Variants in NLRP11 observed in about 807,000 individuals in gnomAD.
NLRP11 encodes the protein NACHT, LRR and PYD domains-containing protein 11.
A neutral mutation model predicts 79.3 loss-of-function variants in NLRP11; 53 were observed. That is an observed-to-expected ratio of 0.67 (90% CI 0.54 to 0.84). NLRP11 has a LOEUF of 0.84. Ranked by LOEUF, NLRP11 falls within the 40% of genes least tolerant of loss-of-function variation. The pLI, the probability that NLRP11 is intolerant of heterozygous loss-of-function variation, is 0.00. For missense variants in NLRP11, 1,264 were observed against 1,255.0 expected (o/e 1.01, Z -0.11); for synonymous variants, 518 against 462.6 (o/e 1.12, Z -1.54).
chr19:55,822,563 G>A (rs1210677585), intron 1 of NLRP11, among the ~76,000 whole-genome samples: 1 of 151,994 alleles, frequency 6.6e-6, no homozygotes, highest in Non-Finnish European at 1.5e-5. Context: ...CGCGCACCGT[G>A]CGCGAGCCGA....
chr19:55,815,629 G>T (rs979220588), intron 2 of NLRP11, among the ~76,000 whole-genome samples: 1 of 151,830 alleles, frequency 6.6e-6, no homozygotes, highest in African/African-American at 2.4e-5. Flanking sequence ...AGAAGACACA[G>T]AAGGAATTTA....
rs190163627 is a variant in NLRP11, at chr19:55,802,754, G to T, written c.2004-1015C>A. On this transcript the variant is annotated intron_variant, in intron 4 of 9. Coordinates refer to ENST00000589093, the Ensembl canonical transcript of NLRP11. ...CAAAGCTGGAGGCATCACGCTACCT[G>T]ATTTCCAACTATACTATAGGGCTAT... Among the ~76,000 whole-genome samples, 118 of 152,268 alleles carry T rather than the reference G, an allele frequency of 7.7e-4. 1 individual carries two copies. The highest frequency in any genetic ancestry group is 1.3e-3 in the Admixed American group (20 of 15,294).
upstream of NLRP11, among the ~76,000 whole-genome samples, chr19:55,833,692 C>T (rs531765311): frequency 8.3e-4 from 112 of 134,854 alleles, 1 homozygote; most frequent in Middle Eastern, 4.1e-3. Context: ...TACTTGAGCC[C>T]GGGAGGAGGA....
intron 2 of NLRP11, among the ~76,000 whole-genome samples, chr19:55,816,296 T>A (rs1258484959): frequency 6.6e-6 from 1 of 152,192 alleles, no homozygotes; most frequent in Non-Finnish European, 1.5e-5. Context: ...AGAAGGTCAT[T>A]ATGTAATACA....
chr19:55,799,311 C>G (rs1979245877), intron 5 of NLRP11, among the ~76,000 whole-genome samples: 1 of 152,146 alleles, frequency 6.6e-6, no homozygotes, highest in African/African-American at 2.4e-5. Context: ...TTCACTGAGT[C>G]TGAAACCAGG....
intron 1 of NLRP11, among the ~76,000 whole-genome samples, chr19:55,823,190 G>A (rs1454881457): frequency 6.9e-6 from 1 of 145,062 alleles, no homozygotes; most frequent in South Asian, 2.2e-4. Flanking sequence ...CAACAGACCT[G>A]CAGCTGAGGG....
At chr19:55,836,572 C>A (rs1983308123), upstream of NLRP11, 1 of 152,354 alleles carries the variant, frequency 6.6e-6, no homozygotes, top group Admixed American at 6.5e-5. Flanking sequence ...GGTGAGTCAG[C>A]GCTTCGTGCT....
At chr19:55,821,205 TCA>T (rs950312294) in intron 1 of NLRP11, among the ~76,000 whole-genome samples, 2,503 of 85,150 alleles carry the variant, frequency 0.029, 29 homozygotes, top group Non-Finnish European at 0.042. Flanking sequence ...TCTCTCTCTC[TCA>T]CACACACACA....
chr19:55,835,287 G>A (rs1322783336), upstream of NLRP11, among the ~76,000 whole-genome samples: 2 of 152,224 alleles, frequency 1.3e-5, no homozygotes, highest in East Asian at 1.9e-4. Flanking sequence ...TGACTGTAAC[G>A]ATTGTAGGGA....
exon 6 of NLRP11, chr19:55,796,096 T>A: frequency 6.2e-7 from 1 of 1,612,980 alleles, no homozygotes; most frequent in Non-Finnish European, 8.5e-7. Flanking sequence ...GATATAAGAG[T>A]GCAGTTGGGA....
intron 1 of NLRP11, among the ~76,000 whole-genome samples, chr19:55,831,389 C>T (rs1268060600): frequency 3.3e-5 from 5 of 151,486 alleles, no homozygotes; most frequent in African/African-American, 1.2e-4. Context: ...TGGCGAAACC[C>T]CATCTCTACT....
chr19:55,801,360 G>A (rs1979456974), intron 5 of NLRP11, among the ~76,000 whole-genome samples: 1 of 152,100 alleles, frequency 6.6e-6, no homozygotes, highest in South Asian at 2.1e-4. Context: ...AAGGGAGGGA[G>A]AAGCCATGTT....
At position 55,810,291 on chromosome 19, in the gene NLRP11, G is replaced by A. The variant is rs1980480787; in HGVS notation, c.319C>T (p.Gln107Ter). Reference sequence around the variant, plus strand: ...TTTCCAAAAGTGTGACTTTCCCATTGCAGCATGAATTTTCTCCTCATGACA... The same window carrying A: ...TTTCCAAAAGTGTGACTTTCCCATTACAGCATGAATTTTCTCCTCATGACA... The change falls in exon 3 of 10, where the codon CAA (glutamine) becomes TAA (stop). Residue 107 changes from glutamine (Q) to a stop codon, truncating the protein, a stop_gained. Transcript: ENST00000589093. LOFTEE classifies it high-confidence loss of function. The A allele has an allele frequency of 6.2e-7, 1 of 1,613,560 alleles. No individual in the cohort carries two copies. The highest frequency in any genetic ancestry group is 1.7e-5 in the Admixed American group (1 of 60,002).
At chr19:55,798,822 C>A (rs1016433847) in intron 5 of NLRP11, among the ~76,000 whole-genome samples, 4 of 151,992 alleles carry the variant, frequency 2.6e-5, no homozygotes, top group Non-Finnish European at 5.9e-5. Context: ...ACACTCTTTT[C>A]CATGTAGCAA....
chr19:55,791,684 C>T (rs1227373963), intron 7 of NLRP11, among the ~76,000 whole-genome samples: 1 of 151,952 alleles, frequency 6.6e-6, no homozygotes, highest in Non-Finnish European at 1.5e-5. Flanking sequence ...TTTTTTCAGG[C>T]AAGTGGGAGA....
exon 3 of NLRP11, chr19:55,810,246 G>A (rs762382161): frequency 2.0e-5 from 33 of 1,613,684 alleles, no homozygotes; most frequent in Non-Finnish European, 2.6e-5. Flanking sequence ...GAAACGTCAC[G>A]AAAAAATTTA....
intron 2 of NLRP11, among the ~76,000 whole-genome samples, chr19:55,811,580 A>G (rs1297824674): frequency 6.6e-6 from 1 of 152,150 alleles, no homozygotes; most frequent in Admixed American, 6.5e-5. Flanking sequence ...CCCACCCTCT[A>G]GACTACCAGG....
intron 1 of NLRP11, among the ~76,000 whole-genome samples, chr19:55,824,325 A>G (rs1249196291): frequency 6.7e-6 from 1 of 148,624 alleles, no homozygotes; most frequent in Admixed American, 6.7e-5. Flanking sequence ...AAATGTAAAG[A>G]CCATCGAGAC....
At chr19:55,787,860 A>G (rs566593270) in intron 9 of NLRP11, among the ~76,000 whole-genome samples, 1 of 152,308 alleles carries the variant, frequency 6.6e-6, no homozygotes, top group South Asian at 2.1e-4. Context: ...CCTTAGCCCA[A>G]CAGCACTACA....
Sources: gnomAD v4.1 joint callset for allele counts (sites outside exome capture counted in the v4.1 genomes callset) on GRCh38, gnomAD v4.1.1 for gene constraint, MANE v1.5 for transcripts, NCBI Gene and HGNC (gene_info 2026-07-23, HGNC 2026-07-21) for gene names.